Variants in XIRP2 observed in about 807,000 individuals in gnomAD.
XIRP2 encodes xin actin-binding repeat-containing protein 2.
Under a neutral mutation model 277.0 loss-of-function variants are expected in XIRP2, and 236 were observed. That is an observed-to-expected ratio of 0.85 (90% CI 0.77 to 0.95). The LOEUF (loss-of-function observed/expected upper bound fraction) is 0.95. Among genes scored for constraint, XIRP2 ranks in the 40% least tolerant of loss-of-function variants. The probability of loss-of-function intolerance (pLI) is 0.00; values close to 1 mark genes in which losing one functional copy is unlikely to be tolerated. For synonymous variants in XIRP2, 1,490 were observed against 1,416.5 expected (o/e 1.05, Z -1.17); for missense variants, 4,640 against 4,157.5 (o/e 1.12, Z -3.19).
chr2:166,968,166 A>G (rs1686477956), intron 2 of XIRP2, among the ~76,000 whole-genome samples: 1 of 151,980 alleles, frequency 6.6e-6, no homozygotes, highest in Admixed American at 6.6e-5. Flanking sequence ...TTAGAAGCTA[A>G]TGAGTTCTTC....
At position 167,191,067 on chromosome 2, in the gene XIRP2, T is replaced by C. The variant is rs552935927; in HGVS notation, c.563-19668T>C. Among the ~76,000 whole-genome samples the C allele has an allele frequency of 2.0e-5, 3 of 151,608 alleles. No individual in the cohort carries two copies. In the East Asian group the frequency reaches 5.8e-4, roughly 30 times the overall value. ...AGCATGGTGACATGCATGCCTGCAG[T>C]CTCAGCTACTTGGGAGGTTGAGGTA... On this transcript the variant is annotated intron_variant, in intron 3 of 10. Coordinates refer to ENST00000409195, the MANE Select transcript of XIRP2 (RefSeq NM_152381.6).
At chr2:167,111,702 G>A (rs1253972696) in intron 2 of XIRP2, among the ~76,000 whole-genome samples, 1 of 152,096 alleles carries the variant, frequency 6.6e-6, no homozygotes, top group Non-Finnish European at 1.5e-5. Flanking sequence ...GAGTTTGGGA[G>A]GAATCTCTCC....
intron 2 of XIRP2, among the ~76,000 whole-genome samples, chr2:166,939,113 T>A (rs1443285038): frequency 6.6e-6 from 1 of 152,198 alleles, no homozygotes; most frequent in Non-Finnish European, 1.5e-5. Flanking sequence ...TATAGTTATG[T>A]GTGAATTTGA....
chr2:167,246,384 A>G lies in XIRP2; in HGVS notation c.4992A>G (p.Lys1664=), dbSNP rs1695264749. ...AAGGTGATGTACAACAAGCAATAAA[A>G]AACCTGTTCTCTGAGGAAAGATCTG... is the stretch of plus-strand genomic sequence containing the variant. ...IVKGDVQQAI[K]NLFSEERSVK... is the part of the protein sequence containing the mutation. The change falls in exon 9 of 11, where the codon AAA becomes AAG. Residue 1664 remains lysine, a synonymous_variant. Transcript: ENST00000409195. The G allele has an allele frequency of 6.2e-7, 1 of 1,613,440 alleles. No individual in the cohort carries two copies. The highest frequency in any genetic ancestry group is 8.5e-7 in the Non-Finnish European group (1 of 1,179,718).
chr2:167,116,204 C>T (rs915598865), intron 2 of XIRP2, among the ~76,000 whole-genome samples: 1 of 152,100 alleles, frequency 6.6e-6, no homozygotes, highest in Non-Finnish European at 1.5e-5. Flanking sequence ...TTTCAATCAA[C>T]TTATTCTATT....
chr2:166,928,452 A>G (rs1388249152), intron 2 of XIRP2, among the ~76,000 whole-genome samples: 1 of 152,144 alleles, frequency 6.6e-6, no homozygotes, highest in African/African-American at 2.4e-5. Context: ...CATTTAATTC[A>G]GCTTCCAAGT....
chr2:167,021,174 T>A (rs1687970632), intron 2 of XIRP2, among the ~76,000 whole-genome samples: 1 of 152,116 alleles, frequency 6.6e-6, no homozygotes, highest in African/African-American at 2.4e-5. Context: ...CCTATCCTTC[T>A]AGAAAAGCTG....
chr2:167,085,926 C>T (rs4667530), intron 2 of XIRP2, among the ~76,000 whole-genome samples: 106,898 of 151,356 alleles, frequency 0.71, 39,918 homozygotes, highest in Non-Finnish European at 0.83. Flanking sequence ...TTAATTGGAA[C>T]ATTTAGCCCA....
chr2:167,154,894 G>T (rs1471220465), intron 3 of XIRP2, among the ~76,000 whole-genome samples: 34 of 151,612 alleles, frequency 2.2e-4, no homozygotes, highest in Non-Finnish European at 4.3e-4. Context: ...ATAGATGCAA[G>T]AAAAAATGAT....
chr2:167,040,626 T>C (rs752306459), intron 2 of XIRP2, among the ~76,000 whole-genome samples: 8 of 152,144 alleles, frequency 5.3e-5, no homozygotes, highest in Non-Finnish European at 1.2e-4. Context: ...TCCCAAAGGC[T>C]TACCATGCTT....
chr2:167,101,528 T>C (rs1325856769), intron 2 of XIRP2, among the ~76,000 whole-genome samples: 1 of 152,176 alleles, frequency 6.6e-6, no homozygotes, highest in Non-Finnish European at 1.5e-5. Context: ...TGTCTTTGTA[T>C]CCTCATAGCT....
At chr2:167,091,268 G>A (rs1187944772) in intron 2 of XIRP2, among the ~76,000 whole-genome samples, 3 of 151,972 alleles carry the variant, frequency 2.0e-5, no homozygotes, top group Non-Finnish European at 2.9e-5. Flanking sequence ...TAATTCTTCT[G>A]TGAAATTTGC....
chr2:166,986,954 T>C (rs1291987146), intron 2 of XIRP2, among the ~76,000 whole-genome samples: 3 of 152,230 alleles, frequency 2.0e-5, no homozygotes, highest in Non-Finnish European at 4.4e-5. Context: ...TACTTTCTTA[T>C]ATAATTTATT....
chr2:167,018,077 T>C (rs897020303), intron 2 of XIRP2, among the ~76,000 whole-genome samples: 1 of 152,036 alleles, frequency 6.6e-6, no homozygotes, highest in Non-Finnish European at 1.5e-5. Flanking sequence ...TTTTACTGCT[T>C]AATAACATTC....
chr2:167,154,139 T>C (rs951734155), intron 3 of XIRP2, among the ~76,000 whole-genome samples: 37 of 149,634 alleles, frequency 2.5e-4, no homozygotes, highest in Non-Finnish European at 4.8e-4. Context: ...TGGTTTTGAT[T>C]TGCATTTCTC....
At chr2:166,954,135 C>T (rs974388829) in intron 2 of XIRP2, among the ~76,000 whole-genome samples, 1 of 151,768 alleles carries the variant, frequency 6.6e-6, no homozygotes, top group East Asian at 1.9e-4. Flanking sequence ...ACAAAAATGA[C>T]CATGTAAGCT....
At chr2:166,944,343 C>T (rs561052264) in intron 2 of XIRP2, among the ~76,000 whole-genome samples, 3 of 152,282 alleles carry the variant, frequency 2.0e-5, no homozygotes, top group African/African-American at 7.2e-5. Context: ...GCCTCCTGTT[C>T]GTAAGTTGCC....
At chr2:166,953,689 AG>A (rs917527772) in intron 2 of XIRP2, among the ~76,000 whole-genome samples, 6 of 151,914 alleles carry the variant, frequency 3.9e-5, no homozygotes, top group African/African-American at 1.4e-4. Flanking sequence ...AAACCAATAT[AG>A]GCTCTGAGGA....
intron 2 of XIRP2, among the ~76,000 whole-genome samples, chr2:166,956,755 C>A (rs1402907293): frequency 6.6e-6 from 1 of 151,664 alleles, no homozygotes; most frequent in Non-Finnish European, 1.5e-5. Flanking sequence ...AGGGGAAAGG[C>A]AAAGGGCAGA....
Sources: gnomAD v4.1 joint callset for allele counts (sites outside exome capture counted in the v4.1 genomes callset) on GRCh38, gnomAD v4.1.1 for gene constraint, MANE v1.5 for transcripts, NCBI Gene and HGNC (gene_info 2026-07-23, HGNC 2026-07-21) for gene names.